DLC1: variants seen among roughly 807,000 people sequenced by gnomAD.
The protein encoded by DLC1 is rho GTPase-activating protein 7.
In DLC1, 54 loss-of-function variants were observed where a neutral mutation model predicts 140.3. That is an observed-to-expected ratio of 0.38 (90% CI 0.31 to 0.48). The LOEUF (loss-of-function observed/expected upper bound fraction) is 0.48, where lower values mean the gene tolerates loss of function less well. Ranked by LOEUF, DLC1 falls within the 20% of genes least tolerant of loss-of-function variation. The pLI is 0.96. For synonymous variants in DLC1, 986 were observed against 728.1 expected, an observed-to-expected ratio of 1.35 and a Z score of -5.70; for missense variants, 2,536 against 1,907.0, an observed-to-expected ratio of 1.33 and a Z score of -6.14.
chr8:13,574,855 CCAATTTT>C (rs1267306347), intron 1 of DLC1, among the ~76,000 whole-genome samples: 2 of 152,100 alleles, frequency 1.3e-5, no homozygotes, highest in Non-Finnish European at 2.9e-5. Flanking sequence ...TAGAATACCT[CCAATTTT>C]AAACATGTTA....
chr8:13,090,509 C>T (rs752802281), intron 14 of DLC1, 39 bp from the exon 15 acceptor site: 1 of 1,605,638 alleles, frequency 6.2e-7, no homozygotes, highest in South Asian at 1.1e-5. Context: ...GGTGAGTCCA[C>T]CTGTACTCAA....
At chr8:13,275,138 A>G (rs1323947390) in intron 5 of DLC1, among the ~76,000 whole-genome samples, 1 of 152,202 alleles carries the variant, frequency 6.6e-6, no homozygotes, top group Non-Finnish European at 1.5e-5. Flanking sequence ...CCTGGGGAAT[A>G]TTGTTTAGTG....
intron 4 of DLC1, among the ~76,000 whole-genome samples, chr8:13,368,308 C>G (rs564231265): frequency 2.6e-5 from 4 of 152,110 alleles, no homozygotes; most frequent in Admixed American, 2.0e-4. Flanking sequence ...TCATACGTTC[C>G]TTTCTTCCCT....
At chr8:13,329,689 A>T (rs529764473) in intron 4 of DLC1, among the ~76,000 whole-genome samples, 50 of 152,346 alleles carry the variant, frequency 3.3e-4, no homozygotes, top group African/African-American at 1.1e-3. Flanking sequence ...GATATACATT[A>T]TGATTTAAAA....
At chr8:13,280,550 T>C (rs1383461723) in intron 5 of DLC1, among the ~76,000 whole-genome samples, 2 of 152,182 alleles carry the variant, frequency 1.3e-5, no homozygotes, top group Admixed American at 1.3e-4. Flanking sequence ...GTATTATTGA[T>C]TTAATGTAAT....
intron 5 of DLC1, among the ~76,000 whole-genome samples, chr8:13,136,352 A>C (rs1233445115): frequency 3.9e-5 from 6 of 152,094 alleles, no homozygotes; most frequent in Admixed American, 2.0e-4. Flanking sequence ...CCACTCTAGT[A>C]GTTCCCAGTG....
chr8:13,174,419 T>C (rs56265611), intron 5 of DLC1, among the ~76,000 whole-genome samples: 24,317 of 152,158 alleles, frequency 0.16, 2,346 homozygotes, highest in African/African-American at 0.26. Flanking sequence ...GTTCTATTTT[T>C]AGTTCTTTGA....
intron 5 of DLC1, among the ~76,000 whole-genome samples, chr8:13,123,597 C>G (rs116571053): frequency 0.19 from 28,261 of 151,786 alleles, 2,927 homozygotes; most frequent in South Asian, 0.26. Context: ...ATCTGCCTGC[C>G]TCGGCCTCCC....
chr8:13,531,541 A>C (rs1206657386), intron 1 of DLC1, among the ~76,000 whole-genome samples: 2 of 152,158 alleles, frequency 1.3e-5, no homozygotes, highest in African/African-American at 4.8e-5. Flanking sequence ...AGCCAAGATC[A>C]CACCACTGCA....
At chr8:13,453,427 T>TTTTTTTTTTTTTTTTTTTTCAG (rs1799193729) in intron 2 of DLC1, among the ~76,000 whole-genome samples, 3 of 19,704 alleles carry the variant, frequency 1.5e-4, no homozygotes, top group African/African-American at 6.3e-4. Context: ...TATATATGTG[T>TTTTTTTTTTTTTTTTTTTTCAG]ATATATATAT....
chr8:13,467,560 G>C (rs899453512), intron 2 of DLC1, among the ~76,000 whole-genome samples: 1 of 151,948 alleles, frequency 6.6e-6, no homozygotes, highest in Non-Finnish European at 1.5e-5. Context: ...CCATCATAGA[G>C]AGACCCTGTC....
intron 2 of DLC1, among the ~76,000 whole-genome samples, chr8:13,483,464 C>T (rs982796536): frequency 6.6e-6 from 1 of 152,110 alleles, no homozygotes; most frequent in Non-Finnish European, 1.5e-5. Flanking sequence ...ACAGAGACAC[C>T]TAGAAGGTGG....
chr8:13,453,504 ATATATATATACATATATATATATG>A (rs1563360626), intron 2 of DLC1, among the ~76,000 whole-genome samples: 1 of 30,140 alleles, frequency 3.3e-5, no homozygotes, highest in East Asian at 7.8e-4. Flanking sequence ...ATATATATGT[ATATATATATACATATATATATATG>A]TATATATATA....
intron 4 of DLC1, among the ~76,000 whole-genome samples, chr8:13,332,860 A>AT (rs1285421743): frequency 1.7e-4 from 26 of 151,988 alleles, no homozygotes; most frequent in South Asian, 4.2e-4. Flanking sequence ...TTAAAATGTG[A>AT]TTTTTTTGTG....
In DLC1 at chr8:13,379,199, G is replaced by A. The variant is rs531512721; in HGVS notation, c.1314+14354C>T. Among the ~76,000 whole-genome samples the A allele has an allele frequency of 2.9e-3, 440 of 152,258 alleles. 3 individuals are homozygous for A. Among genetic ancestry groups the A allele is most frequent in the African/African-American group, 0.01 (418 of 41,532 alleles). ...CTTGGGGCCTGTTTCCTGTGTCCAT[G>A]CTGCTGAAAAGTCAGAATTTGTTCT... On this transcript the variant is annotated intron_variant, in intron 4 of 17. Transcript: ENST00000276297.
chr8:13,539,619 C>T (rs1034784676), intron 1 of DLC1, among the ~76,000 whole-genome samples: 1 of 152,110 alleles, frequency 6.6e-6, no homozygotes, highest in African/African-American at 2.4e-5. Flanking sequence ...CTGTCCCTCA[C>T]CAGCAACTGA....
chr8:13,496,785 CCTTT>C (rs1324266409), intron 2 of DLC1, among the ~76,000 whole-genome samples: 6 of 8,644 alleles, frequency 6.9e-4, no homozygotes, highest in African/African-American at 1.1e-3. Context: ...TAGACCATTT[CCTTT>C]TTTTTTTTTT....
chr8:13,092,606 C>A lies in DLC1; in HGVS notation c.3740+6G>T. 1 of 1,613,700 alleles carries A rather than the reference C, an allele frequency of 6.2e-7. No individual in the cohort carries two copies. Reference sequence around the variant, plus strand: ...TGTGTGCATGCACCTCCCATGCAGCCCGTACCTGGGAGAGGAATTCTCTCT... The same window carrying A: ...TGTGTGCATGCACCTCCCATGCAGCACGTACCTGGGAGAGGAATTCTCTCT... On this transcript the variant is annotated splice_donor_region_variant and intron_variant, in intron 13 of 17. Transcript: ENST00000276297.
rs188259315 is a variant in DLC1, at chr8:13,469,867, T to G, written c.1023+29182A>C. ...TTTCCTGAAGAGAAAGCACATATTA[T>G]GAAGAAAATTAAATATATAAGAAAT... is the stretch of plus-strand genomic sequence containing the variant. On this transcript the variant is annotated intron_variant, in intron 2 of 17. Coordinates refer to ENST00000276297, the MANE Select transcript of DLC1 (RefSeq NM_182643.3). Among the ~76,000 whole-genome samples the G allele has an allele frequency of 1.3e-5, 2 of 152,282 alleles. 1 individual carries two copies. The highest frequency in any genetic ancestry group is 2.9e-5 in the Non-Finnish European group (2 of 68,010).
Sources: allele counts gnomAD v4.1 joint callset (sites outside exome capture counted in the v4.1 genomes callset), GRCh38; gene constraint gnomAD v4.1.1; transcripts MANE v1.5; gene names NCBI Gene and HGNC (gene_info 2026-07-23, HGNC 2026-07-21).